Variants in REV3L observed in about 807,000 individuals in gnomAD.
The protein encoded by REV3L is DNA polymerase zeta catalytic subunit.
Under a neutral mutation model 299.4 loss-of-function variants are expected in REV3L, and 69 were observed. The observed-to-expected ratio is 0.23, with a 90% confidence interval of 0.19 to 0.28. REV3L has a LOEUF of 0.28. Among genes scored for constraint, REV3L ranks in the 10% least tolerant of loss-of-function variants. The pLI, the probability that REV3L is intolerant of heterozygous loss-of-function variation, is 1.00. For synonymous variants in REV3L, 1,238 were observed against 1,271.4 expected (o/e 0.97, Z 0.56); for missense variants, 3,128 against 3,693.8 (o/e 0.85, Z 3.97).
intron 1 of REV3L, among the ~76,000 whole-genome samples, chr6:111,481,864 G>A (rs942745119): frequency 2.6e-5 from 4 of 152,086 alleles, no homozygotes; most frequent in Non-Finnish European, 4.4e-5. Flanking sequence ...TGTCACGGCT[G>A]TCTCCCCTTC....
chr6:111,335,369 G>T, intron 22 of REV3L, 100 bp downstream of exon 22: 7 of 1,300,322 alleles, frequency 5.4e-6, no homozygotes, highest in Non-Finnish European at 7.3e-6. Context: ...TGATTAGTTG[G>T]TACCAAACAG....
intron 31 of REV3L, among the ~76,000 whole-genome samples, chr6:111,304,761 C>T (rs1415189846): frequency 6.6e-6 from 1 of 151,854 alleles, no homozygotes; most frequent in Non-Finnish European, 1.5e-5. Context: ...TTTTCCTCTC[C>T]TCACCCCCCT....
intron 21 of REV3L, among the ~76,000 whole-genome samples, chr6:111,343,366 T>C (rs535443200): frequency 6.6e-6 from 1 of 152,148 alleles, no homozygotes; most frequent in Non-Finnish European, 1.5e-5. Flanking sequence ...TCTACAGTAA[T>C]AGAAATCCAA....
In REV3L at chr6:111,380,200, C is replaced by G. The variant is rs972323513; in HGVS notation, c.1236G>C (p.Glu412Asp). The G allele has an allele frequency of 1.2e-6, 2 of 1,612,414 alleles. No homozygotes were observed. The highest frequency in any genetic ancestry group is 2.7e-5 in the African/African-American group (2 of 74,886). Residue 412 changes from glutamate (E) to aspartate (D), a missense_variant, in exon 11 of 32, where the codon GAG becomes GAC. Physicochemically the swap from Glu to Asp is conservative, Grantham distance 45 (BLOSUM62 2). Around this residue, in one of 9 missense-constraint regions of REV3L, gnomAD observed 2,409 missense variants for 2,611.8 expected, o/e 0.92. Coordinates refer to ENST00000368802, the MANE Select transcript of REV3L (RefSeq NM_001372078.1). Reference protein sequence around the residue: ...SPVFMDSSPDEALVHLLAGLE... With the variant: ...SPVFMDSSPDDALVHLLAGLE... Reference sequence around the variant, plus strand: ...AACCAGCAAGAAGATGTACCAGAGCCTCATCAGGACTACTGTCCACTATAA... The same window carrying G: ...AACCAGCAAGAAGATGTACCAGAGCGTCATCAGGACTACTGTCCACTATAA...
At chr6:111,448,576 C>T (rs1014626860) in intron 1 of REV3L, among the ~76,000 whole-genome samples, 5 of 151,978 alleles carry the variant, frequency 3.3e-5, no homozygotes, top group African/African-American at 1.2e-4. Flanking sequence ...CCACCTGCCT[C>T]GGCCTCCCAA....
rs1775390227 is a variant in REV3L, at chr6:111,331,692, C to T, written c.8018G>A (p.Gly2673Glu). ...GAGTATTACCTTGACAAAAGCTACT[C>T]CATTGGGGGACACTGTGATATCATG... is the stretch of plus-strand genomic sequence containing the variant. ...VRHDITVSPN[G>E]VAFVKPSVRK... The change falls in exon 24 of 32, where the codon GGA (glycine) becomes GAA (glutamate). Residue 2673 changes from glycine (G) to glutamate (E), a missense_variant. Physicochemically the swap from Gly to Glu is moderately conservative, Grantham distance 98 (BLOSUM62 -2). Around this residue, in one of 9 missense-constraint regions of REV3L, gnomAD observed 149 missense variants for 286.4 expected, o/e 0.52. Coordinates refer to ENST00000368802, the MANE Select transcript of REV3L (RefSeq NM_001372078.1). 1 of 1,611,748 alleles carries T rather than the reference C, an allele frequency of 6.2e-7. No homozygotes were observed. Among genetic ancestry groups the T allele is most frequent in the Non-Finnish European group, 8.5e-7 (1 of 1,178,336 alleles).
At chr6:111,386,749 T>C (rs553878927) in intron 9 of REV3L, among the ~76,000 whole-genome samples, 1 of 143,204 alleles carries the variant, frequency 7.0e-6, no homozygotes, top group South Asian at 2.2e-4. Context: ...TGAGATGGAG[T>C]TTTGCTCTGT....
rs530388696 is a variant in REV3L at position 111,436,320 on chromosome 6, A to C, written c.140-19848T>G. Among the ~76,000 whole-genome samples the C allele has an allele frequency of 2.1e-4, 32 of 152,252 alleles. No homozygotes were observed. The South Asian group carries it at 6.4e-3, about 31-fold the overall frequency. On this transcript the variant is annotated intron_variant, in intron 1 of 31. Coordinates refer to ENST00000368802, the MANE Select transcript of REV3L (RefSeq NM_001372078.1). ...ATCAATATACTGAAGATATCTCTGTACTCCCATGTTTATTGAAGCACTATA... is the reference window on the plus strand; with the variant it reads ...ATCAATATACTGAAGATATCTCTGTCCTCCCATGTTTATTGAAGCACTATA...
intron 29 of REV3L, chr6:111,310,851 T>G: frequency 2.4e-6 from 1 of 412,144 alleles, no homozygotes; most frequent in East Asian, 3.5e-5. Context: ...GTGTCACAAT[T>G]TCTTTGCATA....
At position 111,331,644 on chromosome 6, in the gene REV3L, G is replaced by T. The variant is rs199588475; in HGVS notation, c.8034+32C>A. ...TCAGCTCTCCAAAAGTTAAGCCATA[G>T]TTGTTATCTTTCATTTACAAGAGAG... On this transcript the variant is annotated intron_variant, in intron 24 of 31. Coordinates refer to ENST00000368802, the MANE Select transcript of REV3L (RefSeq NM_001372078.1). 6.4e-5 allele frequency: 93 copies of T among 1,456,568 alleles called. 1 individual carries two copies. In the African/African-American group the frequency reaches 1.1e-3, roughly 18 times the overall value. The allele number at this position is 1,456,568 out of a possible 1,614,324, so 90.2% of individuals were successfully genotyped here. A position where few individuals can be genotyped will look rare whatever the true frequency, so the allele number is the denominator to read the frequency against.
intron 31 of REV3L, among the ~76,000 whole-genome samples, chr6:111,302,499 T>C (rs994546416): frequency 2.0e-5 from 3 of 152,234 alleles, no homozygotes; most frequent in Non-Finnish European, 2.9e-5. Flanking sequence ...TTTAAAACTT[T>C]AGTGCCCCAA....
chr6:111,462,327 G>A (rs558228187), intron 1 of REV3L, among the ~76,000 whole-genome samples: 2 of 152,012 alleles, frequency 1.3e-5, no homozygotes, highest in African/African-American at 2.4e-5. Flanking sequence ...AAGCTGAAGT[G>A]GTTATATTAA....
chr6:111,306,662 G>C (rs1045940875), intron 31 of REV3L, among the ~76,000 whole-genome samples: 1 of 152,056 alleles, frequency 6.6e-6, no homozygotes, highest in Non-Finnish European at 1.5e-5. Context: ...CACCTGTAAA[G>C]GTGCCTAGAA....
chr6:111,326,752 A>T (rs1476840823), intron 25 of REV3L, among the ~76,000 whole-genome samples: 1 of 152,084 alleles, frequency 6.6e-6, no homozygotes, highest in East Asian at 1.9e-4. Flanking sequence ...ATGCCATATT[A>T]TGTGTACAAT....
At chr6:111,432,432 T>C (rs1312944728) in intron 1 of REV3L, among the ~76,000 whole-genome samples, 2 of 152,144 alleles carry the variant, frequency 1.3e-5, no homozygotes. Context: ...TAAAACAGAC[T>C]ATCAAGACTG....
Position 111,343,923 on chromosome 6 carries a change from AC to A in REV3L, c.7538+1del. On this transcript the variant is annotated splice_donor_variant, in intron 21 of 31. Coordinates refer to ENST00000368802, the MANE Select transcript of REV3L (RefSeq NM_001372078.1). LOFTEE classifies it high-confidence loss of function. ...ACCTTCTTCAGAGTTATAGAACAGTACCTGTATAGATCTGTCTTGTTATCAA... is the reference window on the plus strand; with the variant it reads ...ACCTTCTTCAGAGTTATAGAACAGTACTGTATAGATCTGTCTTGTTATCAA... 6.5e-7 allele frequency: 1 copy of A among 1,527,392 alleles called. No individual in the cohort carries two copies. Among genetic ancestry groups the A allele is most frequent in the Non-Finnish European group, 9.0e-7 (1 of 1,111,448 alleles). 94.6% of individuals were successfully genotyped at this position (1,527,392 alleles called of 1,614,324 possible).
At chr6:111,400,168 C>T (rs1353734705) in intron 4 of REV3L, among the ~76,000 whole-genome samples, 1 of 152,136 alleles carries the variant, frequency 6.6e-6, no homozygotes, top group Non-Finnish European at 1.5e-5. Flanking sequence ...GGTTGCTTTA[C>T]ATTTTTGGCA....
At chr6:111,483,246 G>A (rs1793995256), upstream of REV3L, 3 of 484,320 alleles carry the variant, frequency 6.2e-6, no homozygotes, top group Admixed American at 4.3e-5. Context: ...GGAGGGGAGA[G>A]GGGGGTGTGT....
Position 111,363,843 on chromosome 6 carries a change from G to C in REV3L, c.6879+10C>G, listed in dbSNP as rs769457731. On this transcript the variant is annotated intron_variant, in intron 16 of 31. Coordinates refer to ENST00000368802, the MANE Select transcript of REV3L (RefSeq NM_001372078.1). ...ACACAATGTATGTGTCCTTACTGTT[G>C]CAGTTTTACCTCATGTAAAGCTTTT... is the stretch of plus-strand genomic sequence containing the variant. 2 of 1,611,612 alleles carry C rather than the reference G, an allele frequency of 1.2e-6. No individual in the cohort carries two copies. Among genetic ancestry groups the C allele is most frequent in the Admixed American group, 3.3e-5 (2 of 59,790 alleles).
Sources: gnomAD v4.1 joint callset for allele counts (sites outside exome capture counted in the v4.1 genomes callset) on GRCh38, gnomAD v4.1.1 for gene constraint, gnomAD v4.1.1 regional missense constraint, MANE v1.5 for transcripts, NCBI Gene and HGNC (gene_info 2026-07-23, HGNC 2026-07-21) for gene names.